THSD7A: variants seen among roughly 807,000 people sequenced by gnomAD.
THSD7A encodes the protein thrombospondin type 1 domain containing 7A, also known as thrombospondin type-1 domain-containing protein 7A.
In THSD7A, 96 loss-of-function variants were observed where a neutral mutation model predicts 231.3. The ratio of observed to expected loss-of-function variants is 0.41; its 90% CI spans 0.35 to 0.49. The LOEUF (loss-of-function observed/expected upper bound fraction) is 0.49. Among genes scored for constraint, THSD7A ranks in the 20% least tolerant of loss-of-function variants. The pLI is 0.05. For missense variants in THSD7A, 2,290 were observed against 2,070.2 expected (o/e 1.11, Z -2.06); for synonymous variants, 940 against 743.3 (o/e 1.26, Z -4.30).
At chr7:11,654,339 T>A (rs889250647) in intron 1 of THSD7A, among the ~76,000 whole-genome samples, 13 of 151,964 alleles carry the variant, frequency 8.6e-5, no homozygotes, top group Admixed American at 5.3e-4. Context: ...GATGAAAGGA[T>A]GTGCTATTAA....
intron 6 of THSD7A, 38 bp downstream of exon 6, chr7:11,541,381 G>A: frequency 6.3e-7 from 1 of 1,578,872 alleles, no homozygotes; most frequent in Non-Finnish European, 8.7e-7. Context: ...ATGCAGGGTT[G>A]GACATCCATA....
At chr7:11,442,074 T>A (rs1479848408) in intron 13 of THSD7A, among the ~76,000 whole-genome samples, 1 of 152,108 alleles carries the variant, frequency 6.6e-6, no homozygotes, top group Non-Finnish European at 1.5e-5. Flanking sequence ...AAAATTTGTA[T>A]TATGTTTTTA....
chr7:11,667,445 T>C (rs1783185405), intron 1 of THSD7A, among the ~76,000 whole-genome samples: 1 of 152,176 alleles, frequency 6.6e-6, no homozygotes, highest in South Asian at 2.1e-4. Context: ...TCCCCATTTA[T>C]TTCATAGTCA....
chr7:11,587,631 G>C (rs1376169417), intron 4 of THSD7A, among the ~76,000 whole-genome samples: 2 of 152,120 alleles, frequency 1.3e-5, no homozygotes, highest in Non-Finnish European at 2.9e-5. Flanking sequence ...ACTTTAATAA[G>C]ATACATTTTA....
chr7:11,562,717 C>A (rs1200439950), intron 4 of THSD7A, among the ~76,000 whole-genome samples: 1 of 151,912 alleles, frequency 6.6e-6, no homozygotes, highest in African/African-American at 2.4e-5. Context: ...TTTCTGTTCC[C>A]TTTTTATTTT....
At chr7:11,686,109 AT>A (rs1280033407) in intron 1 of THSD7A, among the ~76,000 whole-genome samples, 2 of 151,940 alleles carry the variant, frequency 1.3e-5, no homozygotes, top group African/African-American at 4.8e-5. Flanking sequence ...ATATGTTCTT[AT>A]TTATAAAAGT....
chr7:11,402,517 G>T (rs555990547), intron 22 of THSD7A, among the ~76,000 whole-genome samples: 1 of 152,120 alleles, frequency 6.6e-6, no homozygotes, highest in Non-Finnish European at 1.5e-5. Flanking sequence ...TATTTCCTCT[G>T]ATCTACATCC....
At chr7:11,422,684 C>A (rs988488457) in intron 16 of THSD7A, among the ~76,000 whole-genome samples, 1 of 151,546 alleles carries the variant, frequency 6.6e-6, no homozygotes, top group Non-Finnish European at 1.5e-5. Flanking sequence ...GATGGAGTCT[C>A]GCTATGTGGC....
intron 1 of THSD7A, among the ~76,000 whole-genome samples, chr7:11,701,644 T>C (rs1171759174): frequency 1.3e-5 from 2 of 151,168 alleles, no homozygotes; most frequent in Non-Finnish European, 3.0e-5. Flanking sequence ...CTTGTTAAAA[T>C]GCAGATTCTA....
chr7:11,666,434 T>TGTC (rs10674905), intron 1 of THSD7A, among the ~76,000 whole-genome samples: 95,733 of 151,542 alleles, frequency 0.63, 30,675 homozygotes, highest in African/African-American at 0.73. Flanking sequence ...TGTGGCATTA[T>TGTC]AGCACTCAAA....
intron 1 of THSD7A, among the ~76,000 whole-genome samples, chr7:11,666,906 T>C (rs1458496308): frequency 6.6e-6 from 1 of 152,050 alleles, no homozygotes; most frequent in Non-Finnish European, 1.5e-5. Flanking sequence ...TCTGATTTAA[T>C]GCAAGCATAT....
chr7:11,788,615 A>G (rs535302085), intron 1 of THSD7A, among the ~76,000 whole-genome samples: 1 of 152,220 alleles, frequency 6.6e-6, no homozygotes, highest in East Asian at 1.9e-4. Flanking sequence ...GCCCTTTTCT[A>G]TACATCAACA....
intron 2 of THSD7A, among the ~76,000 whole-genome samples, chr7:11,611,453 G>T (rs1780917205): frequency 6.6e-6 from 1 of 151,654 alleles, no homozygotes; most frequent in Non-Finnish European, 1.5e-5. Flanking sequence ...ACTAAGGCAA[G>T]AGATCTAGTA....
intron 1 of THSD7A, among the ~76,000 whole-genome samples, chr7:11,661,014 A>T (rs1252238499): frequency 6.6e-6 from 1 of 151,440 alleles, no homozygotes; most frequent in Non-Finnish European, 1.5e-5. Context: ...CAATTATTAA[A>T]CTATGGCCAA....
intron 4 of THSD7A, among the ~76,000 whole-genome samples, chr7:11,549,132 A>G (rs1262840078): frequency 6.6e-6 from 1 of 152,214 alleles, no homozygotes; most frequent in Non-Finnish European, 1.5e-5. Flanking sequence ...CAGCCAACAA[A>G]CATAACAAAA....
intron 1 of THSD7A, among the ~76,000 whole-genome samples, chr7:11,792,674 G>GA (rs2128178503): frequency 6.6e-6 from 1 of 151,780 alleles, no homozygotes; most frequent in South Asian, 2.1e-4. Context: ...CTCTTACAGA[G>GA]AAAAAATGGA....
At chr7:11,430,066 T>A (rs1179104881) in intron 13 of THSD7A, among the ~76,000 whole-genome samples, 1 of 152,262 alleles carries the variant, frequency 6.6e-6, no homozygotes, top group African/African-American at 2.4e-5. Context: ...TCTATAATAG[T>A]CTGAATGTGG....
chr7:11,817,501 G>A (rs1387810589), intron 1 of THSD7A, among the ~76,000 whole-genome samples: 1 of 152,194 alleles, frequency 6.6e-6, no homozygotes, highest in African/African-American at 2.4e-5. Context: ...AGAGAACAGA[G>A]CAATGTCAGA....
chr7:11,719,301 CT>C (rs1326298915), intron 1 of THSD7A, among the ~76,000 whole-genome samples: 88 of 151,716 alleles, frequency 5.8e-4, no homozygotes, highest in African/African-American at 2.1e-3. Context: ...CAGGTGACTT[CT>C]TTCTCCTATA....
Sources: allele counts gnomAD v4.1 joint callset (sites outside exome capture counted in the v4.1 genomes callset), GRCh38; gene constraint gnomAD v4.1.1; transcripts MANE v1.5; gene names NCBI Gene and HGNC (gene_info 2026-07-23, HGNC 2026-07-21).